Variants in PCDHGA9 observed in about 807,000 individuals in gnomAD.
The protein encoded by PCDHGA9 is protocadherin gamma-A9.
Under a neutral mutation model 62.5 loss-of-function variants are expected in PCDHGA9, and 37 were observed. The ratio of observed to expected loss-of-function variants is 0.59; its 90% confidence interval spans 0.46 to 0.78. The LOEUF (loss-of-function observed/expected upper bound fraction) is 0.78. Ranked by LOEUF, PCDHGA9 falls within the 30% of genes least tolerant of loss-of-function variation. The pLI, the probability that PCDHGA9 is intolerant of heterozygous loss-of-function variation, is 0.00. For synonymous variants in PCDHGA9, 459 were observed against 484.6 expected (o/e 0.95, Z 0.69); for missense variants, 1,138 against 1,166.2 (o/e 0.98, Z 0.35).
At chr5:141,408,806 C>T in intron 1 of PCDHGA9, 1 of 1,613,010 alleles carries the variant, frequency 6.2e-7, no homozygotes, top group Non-Finnish European at 8.5e-7. Flanking sequence ...ACTCCTAGAC[C>T]GGGAAGAACA....
chr5:141,468,749 C>G (rs1237051053), intron 1 of PCDHGA9, among the ~76,000 whole-genome samples: 1 of 151,962 alleles, frequency 6.6e-6, no homozygotes, highest in Non-Finnish European at 1.5e-5. Context: ...GCCTGTAGTC[C>G]CAGCTACTCG....
At chr5:141,510,056 G>C (rs1450505898) in intron 3 of PCDHGA9, among the ~76,000 whole-genome samples, 2 of 152,174 alleles carry the variant, frequency 1.3e-5, no homozygotes. Flanking sequence ...AAGTGATTGT[G>C]CATGTGAAGC....
intron 1 of PCDHGA9, chr5:141,410,156 C>T: frequency 6.2e-7 from 1 of 1,613,514 alleles, no homozygotes; most frequent in Non-Finnish European, 8.5e-7. Context: ...CGGTGGACAG[C>T]CGCCACTCTC....
intron 2 of PCDHGA9, among the ~76,000 whole-genome samples, chr5:141,500,928 G>A (rs2099803943): frequency 6.6e-6 from 1 of 151,476 alleles, no homozygotes; most frequent in African/African-American, 2.4e-5. Context: ...GGGTGCAGTG[G>A]CGCCATCTCG....
intron 1 of PCDHGA9, chr5:141,411,444 T>C (rs1589800236): frequency 6.8e-6 from 1 of 147,662 alleles, no homozygotes; most frequent in African/African-American, 2.5e-5. Context: ...ATTAGCAGAG[T>C]GTGGTAGCAT....
chr5:141,410,255 C>T (rs758117248), intron 1 of PCDHGA9: 26 of 1,614,030 alleles, frequency 1.6e-5, no homozygotes, highest in Non-Finnish European at 1.9e-5. Flanking sequence ...CTCTGACCCC[C>T]AGGCTGAACT....
At chr5:141,438,305 G>T (rs1287488865) in intron 1 of PCDHGA9, among the ~76,000 whole-genome samples, 2 of 151,822 alleles carry the variant, frequency 1.3e-5, no homozygotes, top group East Asian at 1.9e-4. Context: ...AAAGAAGTTG[G>T]TACCACCATA....
intron 1 of PCDHGA9, among the ~76,000 whole-genome samples, chr5:141,455,580 T>C (rs572453788): frequency 6.6e-6 from 1 of 152,142 alleles, no homozygotes; most frequent in East Asian, 1.9e-4. Flanking sequence ...ACCCCAGCCT[T>C]TTAATATGCA....
intron 1 of PCDHGA9, chr5:141,409,355 A>G (rs778227478): frequency 6.2e-7 from 1 of 1,614,032 alleles, no homozygotes; most frequent in South Asian, 1.1e-5. Flanking sequence ...AGTCAGGTGT[A>G]ATATAGAAAC....
intron 1 of PCDHGA9, chr5:141,428,040 G>A: frequency 6.2e-7 from 1 of 1,608,668 alleles, no homozygotes; most frequent in Non-Finnish European, 8.5e-7. Flanking sequence ...CGGCTACCTG[G>A]TGACCAAGGT....
intron 2 of PCDHGA9, among the ~76,000 whole-genome samples, chr5:141,500,136 A>G (rs966215589): frequency 6.6e-6 from 1 of 151,606 alleles, no homozygotes; most frequent in African/African-American, 2.4e-5. Flanking sequence ...ATATCTTTCT[A>G]AACTTTTCTT....
In PCDHGA9 at chr5:141,405,058, T is replaced by C. The variant is rs1174407561; in HGVS notation, c.2106T>C (p.Cys702=). The C allele has an allele frequency of 1.2e-6, 2 of 1,613,912 alleles. No individual in the cohort carries two copies. Among genetic ancestry groups the C allele is most frequent in the East Asian group, 2.2e-5 (1 of 44,876 alleles). ...YLVVAVAVVS[C]VFLTFVITLL... is the part of the protein sequence containing the mutation. ...TTGTGGCTGTGGCAGTCGTCTCCTG[T>C]GTCTTCCTCACCTTCGTTATCACGC... The change falls in exon 1 of 4, where the codon TGT becomes TGC. Residue 702 remains cysteine, a synonymous_variant. Transcript: ENST00000573521.
intron 1 of PCDHGA9, chr5:141,478,451 G>A (rs377597887): frequency 2.5e-6 from 4 of 1,613,440 alleles, no homozygotes; most frequent in African/African-American, 2.7e-5. Context: ...ACCTGGTGCA[G>A]CCAGTCCACT....
chr5:141,490,688 CTG>C lies in PCDHGA9; in HGVS notation c.2425-4118_2425-4117del. 6.2e-7 allele frequency: 1 copy of C among 1,614,218 alleles called. No homozygotes were observed. On this transcript the variant is annotated intron_variant, in intron 1 of 3. Coordinates refer to ENST00000573521, the MANE Select transcript of PCDHGA9 (RefSeq NM_018921.3). This position sits in a 1 kb window ranked among gnomAD's most constrained non-coding sequence, Gnocchi z 5.4. ...ACTGTGGCTGCCTCAGATCCAGACA[CTG>C]GGGATAATGCCCGCCTCACCTACTC... is the stretch of plus-strand genomic sequence containing the variant.
Position 141,429,387 on chromosome 5 carries a change from TAAA to T in PCDHGA9, c.2424+24017_2424+24019del, listed in dbSNP as rs11410533. Among the ~76,000 whole-genome samples, 27 of 151,446 alleles carry T rather than the reference TAAA, an allele frequency of 1.8e-4. No homozygotes were observed. In the East Asian group the frequency reaches 1.9e-3, roughly 11 times the overall value. ...AAATGGAGAAAATGTGTTTTTTTTTTAAAAAAAATTGAGATTAAGGTCTCATTA... is the reference window on the plus strand; with the variant it reads ...AAATGGAGAAAATGTGTTTTTTTTTTAAAAATTGAGATTAAGGTCTCATTA... On this transcript the variant is annotated intron_variant, in intron 1 of 3. Coordinates refer to ENST00000573521, the MANE Select transcript of PCDHGA9 (RefSeq NM_018921.3).
intron 1 of PCDHGA9, among the ~76,000 whole-genome samples, chr5:141,467,397 TAGAA>T (rs1326936900): frequency 6.6e-6 from 1 of 152,106 alleles, no homozygotes; most frequent in Non-Finnish European, 1.5e-5. Flanking sequence ...AAGTCATAGT[TAGAA>T]AGCCTTTCCC....
chr5:141,500,294 C>T (rs755761935), intron 2 of PCDHGA9, among the ~76,000 whole-genome samples: 3 of 151,732 alleles, frequency 2.0e-5, no homozygotes, highest in Non-Finnish European at 2.9e-5. Flanking sequence ...CTGCAAGCTC[C>T]GCCTCCCAGG....
In PCDHGA9 at chr5:141,477,696, A is replaced by T. The variant is rs778604051; in HGVS notation, c.2425-17111A>T. The T allele has an allele frequency of 2.1e-5, 34 of 1,614,054 alleles. No individual in the cohort carries two copies. Among genetic ancestry groups the T allele is most frequent in the Non-Finnish European group, 2.9e-5 (34 of 1,180,044 alleles). On this transcript the variant is annotated intron_variant, in intron 1 of 3. Transcript: ENST00000573521. This position sits in a 1 kb window ranked among gnomAD's most constrained non-coding sequence, Gnocchi z 4.9. ...GTGTCATCCTTAGTGCCCCTAGACT[A>T]TGAGGATCGGCGGGAATTTGAATTA...
Position 141,438,643 on chromosome 5 carries a change from C to CATAT in PCDHGA9, c.2424+33268_2424+33269insTATA, listed in dbSNP as rs1213792286. ...ATATATATATATATATATACACACACACACACACATATATGTATATATATA... is the reference window on the plus strand; with the variant it reads ...ATATATATATATATATATACACACACATATACACACACATATATGTATATATATA... On this transcript the variant is annotated intron_variant, in intron 1 of 3. Transcript: ENST00000573521. Among the ~76,000 whole-genome samples, 345 of 117,382 alleles carry CATAT rather than the reference C, an allele frequency of 2.9e-3. 2 individuals are homozygous for CATAT. Among genetic ancestry groups the CATAT allele is most frequent in the Admixed American group, 6.8e-3 (78 of 11,434 alleles). 77.0% of individuals were successfully genotyped at this position (117,382 alleles called of 152,430 possible). A position where few individuals can be genotyped will look rare whatever the true frequency, so the allele number is the denominator to read the frequency against.
Sources: gnomAD v4.1 joint callset for allele counts (sites outside exome capture counted in the v4.1 genomes callset) on GRCh38, gnomAD v4.1.1 for gene constraint, Gnocchi (gnomAD v3.1) non-coding constraint, MANE v1.5 for transcripts, NCBI Gene and HGNC (gene_info 2026-07-23, HGNC 2026-07-21) for gene names.